UNC5C: variants seen among roughly 807,000 people sequenced by gnomAD.
UNC5C encodes netrin receptor UNC5C.
A neutral mutation model predicts 99.8 loss-of-function variants in UNC5C; 47 were observed. The ratio of observed to expected loss-of-function variants is 0.47; its 90% CI spans 0.37 to 0.60. The LOEUF (loss-of-function observed/expected upper bound fraction) is 0.60, where lower values mean the gene tolerates loss of function less well. UNC5C is among the 20% of genes least tolerant of loss of function. The pLI is 0.00. For missense variants in UNC5C, 1,062 were observed against 1,165.9 expected (o/e 0.91, Z 1.30); for synonymous variants, 487 against 452.2 (o/e 1.08, Z -0.98).
chr4:95,279,407 C>T (rs1359411486), intron 3 of UNC5C, among the ~76,000 whole-genome samples: 1 of 152,068 alleles, frequency 6.6e-6, no homozygotes, highest in African/African-American at 2.4e-5. Flanking sequence ...ATGTTAGAAG[C>T]CAGTTTGTCA....
intron 1 of UNC5C, among the ~76,000 whole-genome samples, chr4:95,380,100 C>G (rs950793998): frequency 1.3e-5 from 2 of 152,052 alleles, no homozygotes; most frequent in African/African-American, 4.8e-5. Context: ...ATTTTAATGC[C>G]CTCTCTGTTG....
intron 7 of UNC5C, among the ~76,000 whole-genome samples, chr4:95,230,498 T>C (rs1422217672): frequency 6.6e-6 from 1 of 152,192 alleles, no homozygotes; most frequent in Non-Finnish European, 1.5e-5. Flanking sequence ...TTTGATGTTT[T>C]AGTCATGAAG....
intron 7 of UNC5C, among the ~76,000 whole-genome samples, chr4:95,220,380 C>T (rs940426752): frequency 2.0e-5 from 3 of 152,092 alleles, no homozygotes; most frequent in African/African-American, 7.2e-5. Flanking sequence ...TGCATCTATC[C>T]ACCCACTAAT....
chr4:95,264,283 A>C (rs999109353), intron 4 of UNC5C, among the ~76,000 whole-genome samples: 1 of 152,208 alleles, frequency 6.6e-6, no homozygotes, highest in African/African-American at 2.4e-5. Flanking sequence ...CATGAACTTG[A>C]AGGTTTACAT....
chr4:95,194,741 CA>C (rs1433324391), intron 12 of UNC5C, among the ~76,000 whole-genome samples: 2 of 152,218 alleles, frequency 1.3e-5, no homozygotes. Flanking sequence ...ATCATATCTG[CA>C]AAGACTGTTT....
chr4:95,264,083 G>A (rs1160759628), intron 4 of UNC5C, among the ~76,000 whole-genome samples: 1 of 152,144 alleles, frequency 6.6e-6, no homozygotes, highest in African/African-American at 2.4e-5. Flanking sequence ...ACTGTGGTTT[G>A]TTTCTTTCTC....
At chr4:95,324,539 A>T (rs987823210) in intron 2 of UNC5C, among the ~76,000 whole-genome samples, 1 of 152,172 alleles carries the variant, frequency 6.6e-6, no homozygotes, top group African/African-American at 2.4e-5. Context: ...TTCCATGAAA[A>T]CGGTCCCTCC....
intron 4 of UNC5C, among the ~76,000 whole-genome samples, chr4:95,273,049 T>TA (rs1368997578): frequency 1.3e-5 from 2 of 152,192 alleles, no homozygotes; most frequent in Non-Finnish European, 2.9e-5. Context: ...AGTATCAGCT[T>TA]AAAAAAATCT....
chr4:95,242,677 A>G (rs751258798), intron 6 of UNC5C, 84 bp from the exon 7 acceptor site: 21 of 1,388,704 alleles, frequency 1.5e-5, no homozygotes, highest in Non-Finnish European at 1.9e-5. Context: ...TAATACAACA[A>G]AACAAAACAA....
chr4:95,217,406 A>G (rs917389441), intron 9 of UNC5C, among the ~76,000 whole-genome samples: 1 of 152,204 alleles, frequency 6.6e-6, no homozygotes, highest in Non-Finnish European at 1.5e-5. Context: ...CTGTCAATGT[A>G]CAGAATGATT....
intron 1 of UNC5C, among the ~76,000 whole-genome samples, chr4:95,520,641 C>G: frequency 6.7e-6 from 1 of 148,166 alleles, no homozygotes; most frequent in African/African-American, 2.5e-5. Flanking sequence ...CTCTGTCGCC[C>G]AGGCTGGACT....
chr4:95,516,351 CT>C (rs1307594200), intron 1 of UNC5C, among the ~76,000 whole-genome samples: 1 of 152,132 alleles, frequency 6.6e-6, no homozygotes, highest in African/African-American at 2.4e-5. Flanking sequence ...ACAGTATTGA[CT>C]GGGACAGAAG....
intron 5 of UNC5C, among the ~76,000 whole-genome samples, chr4:95,247,053 A>T (rs1053122161): frequency 6.6e-6 from 1 of 151,970 alleles, no homozygotes; most frequent in Non-Finnish European, 1.5e-5. Flanking sequence ...AAAAAAATAA[A>T]AAAAAAAGAA....
At chr4:95,263,843 A>G (rs1740335519) in intron 4 of UNC5C, among the ~76,000 whole-genome samples, 1 of 152,198 alleles carries the variant, frequency 6.6e-6, no homozygotes, top group Admixed American at 6.5e-5. Context: ...TGTTATGGTG[A>G]TTTCTTCACA....
chr4:95,256,699 A>AATAAATATATATATATATATATATATAT (rs1553958328), intron 4 of UNC5C, among the ~76,000 whole-genome samples: 2 of 90,664 alleles, frequency 2.2e-5, no homozygotes, highest in African/African-American at 7.2e-5. Flanking sequence ...GAACTAAATA[A>AATAAATATATATATATATATATATATAT]ATATATATAT....
At chr4:95,489,789 G>C (rs1034139590) in intron 1 of UNC5C, among the ~76,000 whole-genome samples, 1 of 151,642 alleles carries the variant, frequency 6.6e-6, no homozygotes, top group African/African-American at 2.4e-5. Context: ...AACGGAAGAA[G>C]GGGGAGAAAC....
chr4:95,367,240 C>T (rs555926434), intron 1 of UNC5C, among the ~76,000 whole-genome samples: 380 of 147,862 alleles, frequency 2.6e-3, no homozygotes, highest in African/African-American at 8.9e-3. Context: ...CAAATCATGG[C>T]TCACTGCAGC....
intron 3 of UNC5C, among the ~76,000 whole-genome samples, chr4:95,293,079 T>C (rs1489363530): frequency 6.6e-6 from 1 of 152,142 alleles, no homozygotes; most frequent in Non-Finnish European, 1.5e-5. Context: ...CATCTCAGTA[T>C]AAATCTGAAT....
intron 1 of UNC5C, among the ~76,000 whole-genome samples, chr4:95,416,800 T>C (rs1746178023): frequency 6.6e-6 from 1 of 152,182 alleles, no homozygotes; most frequent in Non-Finnish European, 1.5e-5. Context: ...CAGAATTTAA[T>C]AGCGTGTGCA....
Sources: gnomAD v4.1 joint callset for allele counts (sites outside exome capture counted in the v4.1 genomes callset) on GRCh38, gnomAD v4.1.1 for gene constraint, MANE v1.5 for transcripts, NCBI Gene and HGNC (gene_info 2026-07-23, HGNC 2026-07-21) for gene names.